INTU: variants seen among roughly 807,000 people sequenced by gnomAD.
INTU encodes the protein inturned planar cell polarity protein.
A neutral mutation model predicts 100.5 loss-of-function variants in INTU; 68 were observed. The ratio of observed to expected loss-of-function variants is 0.68; its 90% CI spans 0.56 to 0.83. INTU has a LOEUF of 0.83. INTU is among the 40% of genes least tolerant of loss of function. INTU has a pLI of 0.00. For missense variants in INTU, 1,071 were observed against 1,114.7 expected (o/e 0.96, Z 0.56); for synonymous variants, 357 against 395.7 (o/e 0.90, Z 1.16).
chr4:127,641,304 C>A (rs977771090), intron 1 of INTU, among the ~76,000 whole-genome samples: 1 of 152,106 alleles, frequency 6.6e-6, no homozygotes, highest in Non-Finnish European at 1.5e-5. Context: ...AAGCCAAACC[C>A]CTTAGGGTGA....
At chr4:127,643,200 T>C (rs186555143) in intron 1 of INTU, among the ~76,000 whole-genome samples, 8 of 152,056 alleles carry the variant, frequency 5.3e-5, no homozygotes, top group South Asian at 2.1e-4. Context: ...CACACAGTGG[T>C]TGATTTAATT....
At chr4:127,660,114 A>G (rs1157342478) in intron 3 of INTU, among the ~76,000 whole-genome samples, 1 of 152,170 alleles carries the variant, frequency 6.6e-6, no homozygotes, top group African/African-American at 2.4e-5. Context: ...TCAGGAAACC[A>G]GGTGGTTGGG....
chr4:127,647,041 C>T (rs1174866940), intron 2 of INTU, among the ~76,000 whole-genome samples: 2 of 152,054 alleles, frequency 1.3e-5, no homozygotes, highest in Non-Finnish European at 2.9e-5. Context: ...TCCATAAATC[C>T]CCACCTCTAA....
chr4:127,686,731 G>A (rs1729844263), intron 7 of INTU: 1 of 152,020 alleles, frequency 6.6e-6, no homozygotes, highest in South Asian at 2.1e-4. Context: ...TTTACTTTTT[G>A]TTCATTTGCT....
Position 127,656,683 on chromosome 4 carries a change from A to T in INTU, c.730A>T (p.Ile244Phe), listed in dbSNP as rs1272200759. The T allele has an allele frequency of 1.9e-6, 3 of 1,611,218 alleles. No homozygotes were observed. Among genetic ancestry groups the T allele is most frequent in the African/African-American group, 1.3e-5 (1 of 74,918 alleles). ...VNDVDVTTEN[I>F]ERVLSCIPGP... ...TGATGTCGATGTTACTACTGAAAAC[A>T]TCGAGAGAGTTCTGTCTTGCATTCC... Residue 244 changes from isoleucine to phenylalanine, a missense_variant, in exon 3 of 16, where the codon ATC (isoleucine) becomes TTC (phenylalanine). Transcript: ENST00000335251.
chr4:127,656,479 A>G (rs546548234), intron 2 of INTU, among the ~76,000 whole-genome samples, 157 bp from the exon 3 acceptor site: 2 of 152,338 alleles, frequency 1.3e-5, no homozygotes, highest in South Asian at 2.1e-4. Context: ...CCCTGCCACC[A>G]ATGAGCTGTA....
chr4:127,634,300 A>G (rs973238322), intron 1 of INTU, among the ~76,000 whole-genome samples: 5 of 152,256 alleles, frequency 3.3e-5, no homozygotes, highest in African/African-American at 1.2e-4. Context: ...TGAATTACAT[A>G]GAACCTTATT....
At chr4:127,638,262 A>G (rs893266618) in intron 1 of INTU, among the ~76,000 whole-genome samples, 2 of 152,216 alleles carry the variant, frequency 1.3e-5, no homozygotes, top group Non-Finnish European at 2.9e-5. Flanking sequence ...TGTTATACCT[A>G]TTAGCACCAC....
chr4:127,691,603 T>C (rs958748789), intron 8 of INTU, among the ~76,000 whole-genome samples: 3 of 152,104 alleles, frequency 2.0e-5, no homozygotes, highest in African/African-American at 7.2e-5. Context: ...CCATTTTTTT[T>C]TAATTCGGTA....
intron 2 of INTU, among the ~76,000 whole-genome samples, chr4:127,647,392 T>C (rs1358918923): frequency 6.6e-6 from 1 of 152,210 alleles, no homozygotes; most frequent in Non-Finnish European, 1.5e-5. Flanking sequence ...CTGCATTCTT[T>C]GGCTTGTGGT....
chr4:127,645,882 C>T (rs1188599599), intron 2 of INTU, among the ~76,000 whole-genome samples: 1 of 151,824 alleles, frequency 6.6e-6, no homozygotes, highest in African/African-American at 2.4e-5. Context: ...TTGTTTTAAG[C>T]CTCAGAATTA....
intron 8 of INTU, among the ~76,000 whole-genome samples, chr4:127,699,050 C>A (rs1730523573): frequency 1.3e-5 from 2 of 152,080 alleles, no homozygotes; most frequent in South Asian, 4.1e-4. Flanking sequence ...GTGAAACAGT[C>A]CTGCAGAGAG....
In INTU at chr4:127,723,226, G is replaced by C. The variant is rs1731371787; in HGVS notation, c.*6790G>C. 6.6e-6 allele frequency: 1 copy of C among 152,060 alleles called. No individual in the cohort carries two copies. Among genetic ancestry groups the C allele is most frequent in the Non-Finnish European group, 1.5e-5 (1 of 68,066 alleles). The allele number at this position is 152,060 out of a possible 1,614,324, so 9.4% of individuals were successfully genotyped here. A position where few individuals can be genotyped will look rare whatever the true frequency, so the allele number is the denominator to read the frequency against. ...GATGGGATCTTGCTCCACCCTGTTT[G>C]CTTGCTCTCCGTGGGTCATGCCAGC... On this transcript the variant is annotated 3_prime_UTR_variant, in exon 16 of 16. Coordinates refer to ENST00000335251, the MANE Select transcript of INTU (RefSeq NM_015693.4).
At position 127,699,950 on chromosome 4, in the gene INTU, TAA is replaced by T; in HGVS notation, c.1450-55_1450-54del. 3.7e-6 allele frequency: 5 copies of T among 1,343,956 alleles called. No homozygotes were observed. The South Asian group carries it at 5.9e-5, about 16-fold the overall frequency. 83.3% of individuals were successfully genotyped at this position (1,343,956 alleles called of 1,614,324 possible). ...TAAGCACTTTTTATATGGCCATTAC[TAA>T]AAAAGTAACTAATATGAGTCAAATG... On this transcript the variant is annotated intron_variant, in intron 8 of 15. Coordinates refer to ENST00000335251, the MANE Select transcript of INTU (RefSeq NM_015693.4).
At chr4:127,714,267 T>G (rs1447125042) in intron 15 of INTU, among the ~76,000 whole-genome samples, 174 bp downstream of exon 15, 1 of 152,214 alleles carries the variant, frequency 6.6e-6, no homozygotes, top group Non-Finnish European at 1.5e-5. Flanking sequence ...CAAGTATTTT[T>G]CTATTGAAAA....
At chr4:127,702,909 G>T (rs960996003) in intron 9 of INTU, among the ~76,000 whole-genome samples, 9 of 152,034 alleles carry the variant, frequency 5.9e-5, no homozygotes, top group African/African-American at 2.2e-4. Context: ...CCCTAATGCT[G>T]CTCTGGTTGC....
chr4:127,716,255 A>T (rs1731257700), intron 15 of INTU, 70 bp from the exon 16 acceptor site: 1 of 680,620 alleles, frequency 1.5e-6, no homozygotes, highest in Non-Finnish European at 2.4e-6. Flanking sequence ...AATTAAATTA[A>T]TTGGATGGTT....
At chr4:127,674,521 T>C (rs1729084348) in intron 6 of INTU, among the ~76,000 whole-genome samples, 1 of 152,158 alleles carries the variant, frequency 6.6e-6, no homozygotes, top group Admixed American at 6.5e-5. Context: ...ACATTGTGAT[T>C]TGGATTTTGC....
At chr4:127,645,463 A>G (rs563660147) in intron 2 of INTU, among the ~76,000 whole-genome samples, 3 of 152,252 alleles carry the variant, frequency 2.0e-5, no homozygotes, top group African/African-American at 7.2e-5. Context: ...TGCATGAGGA[A>G]TCCCAAGTGA....
Sources: gnomAD v4.1 joint callset for allele counts (sites outside exome capture counted in the v4.1 genomes callset) on GRCh38, gnomAD v4.1.1 for gene constraint, MANE v1.5 for transcripts, NCBI Gene and HGNC (gene_info 2026-07-23, HGNC 2026-07-21) for gene names.